Variants in SPATA13 observed in about 807,000 individuals in gnomAD.
The protein encoded by SPATA13 is spermatogenesis-associated protein 13.
SPATA13 carries 50 observed loss-of-function variants against 104.0 expected under a neutral mutation model. The ratio of observed to expected loss-of-function variants is 0.48; its 90% CI spans 0.38 to 0.61. The LOEUF (loss-of-function observed/expected upper bound fraction) is 0.61. Among genes scored for constraint, SPATA13 ranks in the 20% least tolerant of loss-of-function variants. The pLI, the probability that SPATA13 is intolerant of heterozygous loss-of-function variation, is 0.00. For synonymous variants in SPATA13, 606 were observed against 667.5 expected (o/e 0.91, Z 1.42); for missense variants, 1,524 against 1,690.6 (o/e 0.90, Z 1.73).
intron 3 of SPATA13, among the ~76,000 whole-genome samples, chr13:24,110,568 G>A (rs9578682): frequency 0.079 from 12,075 of 152,220 alleles, 917 homozygotes; most frequent in African/African-American, 0.2. Flanking sequence ...CGGTGGAGAA[G>A]CAGGGTTTGT....
At chr13:24,078,031 C>T (rs1380958133) in intron 3 of SPATA13, among the ~76,000 whole-genome samples, 3 of 152,122 alleles carry the variant, frequency 2.0e-5, no homozygotes, top group South Asian at 4.1e-4. Flanking sequence ...CTTTGCAAAC[C>T]GGTCCCAGCG....
intron 4 of SPATA13, among the ~76,000 whole-genome samples, chr13:24,277,276 C>G (rs937669726): frequency 6.6e-6 from 1 of 151,880 alleles, no homozygotes; most frequent in Non-Finnish European, 1.5e-5. Context: ...AACCACGTCT[C>G]TACTAAAAAT....
At chr13:24,103,498 AAAAAC>A (rs1163278318) in intron 3 of SPATA13, among the ~76,000 whole-genome samples, 2 of 149,090 alleles carry the variant, frequency 1.3e-5, no homozygotes, top group Non-Finnish European at 3.0e-5. Context: ...AAAAAAAAAA[AAAAAC>A]AAGAAAGAAA....
chr13:24,014,365 C>G (rs191260499), intron 2 of SPATA13, among the ~76,000 whole-genome samples: 102 of 152,208 alleles, frequency 6.7e-4, no homozygotes, highest in African/African-American at 2.4e-3. Flanking sequence ...AGAAATGGCC[C>G]CACTGTTTCT....
chr13:24,139,477 A>C (rs1028173809), intron 3 of SPATA13, among the ~76,000 whole-genome samples: 1 of 152,236 alleles, frequency 6.6e-6, no homozygotes, highest in African/African-American at 2.4e-5. Context: ...TATCACTGGC[A>C]GGTGACTGGT....
At chr13:24,204,138 T>C (rs1386363915) in intron 1 of SPATA13, among the ~76,000 whole-genome samples, 1 of 152,188 alleles carries the variant, frequency 6.6e-6, no homozygotes, top group Non-Finnish European at 1.5e-5. Context: ...CAGGTTCTTA[T>C]TGCATGTACT....
chr13:24,163,288 G>A (rs573718117), intron 1 of SPATA13, among the ~76,000 whole-genome samples: 49 of 152,288 alleles, frequency 3.2e-4, no homozygotes, highest in African/African-American at 9.1e-4. Context: ...TGTAGTCCAA[G>A]GTGCTCAGGA....
At chr13:24,182,721 T>A (rs1185083890) in intron 1 of SPATA13, among the ~76,000 whole-genome samples, 1 of 152,240 alleles carries the variant, frequency 6.6e-6, no homozygotes, top group Non-Finnish European at 1.5e-5. Context: ...TATCAATGGC[T>A]GTCTTTTTTG....
intron 2 of SPATA13, among the ~76,000 whole-genome samples, chr13:24,006,564 C>T (rs998179834): frequency 2.6e-5 from 4 of 152,198 alleles, no homozygotes; most frequent in African/African-American, 7.2e-5. Flanking sequence ...CAGGCCAGGC[C>T]GGCCCAAGTA....
chr13:24,246,466 A>G (rs758905010), intron 2 of SPATA13, among the ~76,000 whole-genome samples: 71 of 152,322 alleles, frequency 4.7e-4, no homozygotes, highest in Non-Finnish European at 8.8e-4. Context: ...AGGCCTGTGA[A>G]TTAAATTGAC....
In SPATA13 at chr13:24,019,090, A is replaced by ATT. The variant is rs776200644; in HGVS notation, c.-112+1390_-112+1391dup. On this transcript the variant is annotated intron_variant, in intron 3 of 14. Transcript: ENST00000424834. ...TTATATGATTCTTATTATTATTATT[A>ATT]TTATTTTTTTTTTTTTGAGACGGAG... is the stretch of plus-strand genomic sequence containing the variant. Among the ~76,000 whole-genome samples, 565 of 138,394 alleles carry ATT rather than the reference A, an allele frequency of 4.1e-3. 4 individuals are homozygous for ATT. The highest frequency in any genetic ancestry group is 5.7e-3 in the Non-Finnish European group (357 of 63,140). 90.8% of individuals were successfully genotyped at this position (138,394 alleles called of 152,430 possible).
chr13:24,134,197 C>T (rs148062955), intron 3 of SPATA13, among the ~76,000 whole-genome samples: 1 of 152,294 alleles, frequency 6.6e-6, no homozygotes, highest in Non-Finnish European at 1.5e-5. Flanking sequence ...TTTCTCTCCC[C>T]AGCATGAGGA....
intron 1 of SPATA13, among the ~76,000 whole-genome samples, chr13:24,186,218 AAAG>A (rs1350958452): frequency 6.6e-6 from 1 of 152,172 alleles, no homozygotes; most frequent in Non-Finnish European, 1.5e-5. Context: ...AGGGGAACCT[AAAG>A]AAGAAGTCCT....
intron 3 of SPATA13, among the ~76,000 whole-genome samples, chr13:24,096,535 G>A (rs1880092067): frequency 6.6e-6 from 1 of 152,146 alleles, no homozygotes; most frequent in African/African-American, 2.4e-5. Context: ...GAAGGCAGAG[G>A]TTGCAGTGAG....
chr13:24,083,216 C>A (rs79630691), intron 3 of SPATA13, among the ~76,000 whole-genome samples: 5,030 of 152,270 alleles, frequency 0.033, 203 homozygotes, highest in South Asian at 0.15. Flanking sequence ...CAGTGGAGAC[C>A]CCCTAGGGCA....
chr13:24,031,486 T>C (rs1877478418), intron 3 of SPATA13, among the ~76,000 whole-genome samples: 1 of 152,252 alleles, frequency 6.6e-6, no homozygotes, highest in Non-Finnish European at 1.5e-5. Context: ...AAAACACATC[T>C]ATGACTAGAC....
chr13:24,247,875 T>C (rs1055945433), intron 2 of SPATA13, among the ~76,000 whole-genome samples: 1 of 152,124 alleles, frequency 6.6e-6, no homozygotes, highest in African/African-American at 2.4e-5. Flanking sequence ...CTCTTGTCAC[T>C]GGCTGGAGGT....
intron 2 of SPATA13, among the ~76,000 whole-genome samples, chr13:24,239,038 C>T (rs1872707877): frequency 6.6e-6 from 1 of 152,124 alleles, no homozygotes; most frequent in African/African-American, 2.4e-5. Flanking sequence ...GGCCCTGGAC[C>T]TTTAGGAGTT....
At position 24,286,703 on chromosome 13, in the gene SPATA13, G is replaced by T. The variant is rs1327456002; in HGVS notation, c.2482-62G>T. 2.0e-6 allele frequency: 3 copies of T among 1,499,422 alleles called. No homozygotes were observed. The highest frequency in any genetic ancestry group is 4.6e-5 in the East Asian group (2 of 43,654). 92.9% of individuals were successfully genotyped at this position (1,499,422 alleles called of 1,614,324 possible). A position where few individuals can be genotyped will look rare whatever the true frequency, so the allele number is the denominator to read the frequency against. ...AAAGTAGGAACCTGGGAGGTCTCCT[G>T]CCTCTGCTCCATGCTGCCCTCCCCT... is the stretch of plus-strand genomic sequence containing the variant. On this transcript the variant is annotated intron_variant, in intron 6 of 12. Coordinates refer to ENST00000382108, the MANE Select transcript of SPATA13 (RefSeq NM_001166271.3). This position sits in a 1 kb window ranked among gnomAD's most constrained non-coding sequence, Gnocchi z 4.9.
Sources: gnomAD v4.1 joint callset for allele counts (sites outside exome capture counted in the v4.1 genomes callset) on GRCh38, gnomAD v4.1.1 for gene constraint, Gnocchi (gnomAD v3.1) non-coding constraint, MANE v1.5 for transcripts, NCBI Gene and HGNC (gene_info 2026-07-23, HGNC 2026-07-21) for gene names.